Variants in NR2F1 observed in about 807,000 individuals in gnomAD.
NR2F1 encodes the protein nuclear receptor subfamily 2 group F member 1, also known as COUP transcription factor 1.
In NR2F1, 1 loss-of-function variant was observed where a neutral mutation model predicts 37.7. The observed-to-expected ratio is 0.03, with a 90% CI of 0.01 to 0.13. The LOEUF is 0.13. Ranked by LOEUF, NR2F1 falls within the 10% of genes least tolerant of loss-of-function variation. The pLI is 1.00. For synonymous variants in NR2F1, 275 were observed against 259.6 expected (o/e 1.06, Z -0.57); for missense variants, 268 against 578.4 (o/e 0.46, Z 5.50).
chr5:93,593,993 C>A lies in NR2F1; in HGVS notation c.*151C>A. On this transcript the variant is annotated 3_prime_UTR_variant, in exon 3 of 3. Transcript: ENST00000327111. The surrounding 1 kb of genome is among the most constrained non-coding windows in gnomAD (Gnocchi z 5.6). ...AGGGCCGAGACAGGAGCAGCCCACC[C>A]AGCAGAAATACAATCCGAGCTACAA... The A allele has an allele frequency of 1.6e-6, 1 of 643,708 alleles. No individual in the cohort carries two copies. The highest frequency in any genetic ancestry group is 2.7e-6 in the Non-Finnish European group (1 of 373,468). The allele number at this position is 643,708 out of a possible 1,614,324, so 39.9% of individuals were successfully genotyped here.
At position 93,588,082 on chromosome 5, in the gene NR2F1, C is replaced by G; in HGVS notation, c.629C>G (p.Pro210Arg). The G allele has an allele frequency of 6.2e-7, 1 of 1,614,160 alleles. No individual in the cohort carries two copies. Among genetic ancestry groups the G allele is most frequent in the Non-Finnish European group, 8.5e-7 (1 of 1,180,032 alleles). ...TSRYGSQCMQPNNIMGIENIC... is the reference protein window; with the variant it reads ...TSRYGSQCMQRNNIMGIENIC... ...CGCTACGGCAGCCAGTGCATGCAGCCCAACAACATTATGGGCATCGAGAAC... is the reference window on the plus strand; with the variant it reads ...CGCTACGGCAGCCAGTGCATGCAGCGCAACAACATTATGGGCATCGAGAAC... The change falls in exon 2 of 3, where the codon CCC becomes CGC. Residue 210 changes from proline to arginine, a missense_variant. Transcript: ENST00000327111.
Position 93,588,063 on chromosome 5 carries a change from G to C in NR2F1, c.610G>C (p.Gly204Arg), listed in dbSNP as rs967428663. The change falls in exon 2 of 3, where the codon GGC becomes CGC. Residue 204 changes from glycine (G) to arginine (R), a missense_variant. By Grantham distance (125) the Gly-to-Arg change is moderately radical. This residue lies in a region of NR2F1 where 42 missense variants were observed against 72.5 expected (regional missense o/e 0.58). Transcript: ENST00000327111. ...CGAGCCCTACCCCACGTCGCGCTAC[G>C]GCAGCCAGTGCATGCAGCCCAACAA... ...RAEPYPTSRY[G>R]SQCMQPNNIM... 2 of 1,613,948 alleles carry C rather than the reference G, an allele frequency of 1.2e-6. No homozygotes were observed.
At chr5:93,587,769 TG>T in intron 1 of NR2F1, 147 bp from the exon 2 acceptor site, 2 of 780,526 alleles carry the variant, frequency 2.6e-6, no homozygotes, top group Non-Finnish European at 4.0e-6. Flanking sequence ...CCTAGCGGTG[TG>T]GACTGTGAGA....
Position 93,584,593 on chromosome 5 carries a change from A to C in NR2F1, c.-431A>C, listed in dbSNP as rs984591169. ...TTTTGCAACTTGGGGAAGAAGAAAA[A>C]AGCGAGAGAAGGGAGCTTGCTCGCC... On this transcript the variant is annotated 5_prime_UTR_variant, in exon 1 of 3. Coordinates refer to ENST00000327111, the MANE Select transcript of NR2F1 (RefSeq NM_005654.6). 7.0e-6 allele frequency: 1 copy of C among 143,384 alleles called. No individual in the cohort carries two copies. Among genetic ancestry groups the C allele is most frequent in the Non-Finnish European group, 1.5e-5 (1 of 65,096 alleles). The allele number at this position is 143,384 out of a possible 1,614,324, so 8.9% of individuals were successfully genotyped here. A position where few individuals can be genotyped will look rare whatever the true frequency, so the allele number is the denominator to read the frequency against.
rs772523710 is a variant in NR2F1, at chr5:93,583,311, T to TCTCTCTCTCTCTC, written c.-1695_-1683dup. On this transcript the variant is annotated 5_prime_UTR_variant, in exon 1 of 3. Transcript: ENST00000327111. Reference sequence around the variant, plus strand: ...TCTCTCTCTCTTCTTCTCTTCTCTCTCTCTCTCTCTCTCCTCTCTCTCTCT... The same window carrying TCTCTCTCTCTCTC: ...TCTCTCTCTCTTCTTCTCTTCTCTCTCTCTCTCTCTCTCCTCTCTCTCTCTCCTCTCTCTCTCT... The TCTCTCTCTCTCTC allele has an allele frequency of 2.6e-5, 4 of 151,318 alleles. No homozygotes were observed. Among genetic ancestry groups the TCTCTCTCTCTCTC allele is most frequent in the African/African-American group, 4.9e-5 (2 of 41,162 alleles). 9.4% of individuals were successfully genotyped at this position (151,318 alleles called of 1,614,324 possible).
At chr5:93,589,953 C>T (rs1753303121) in intron 2 of NR2F1, among the ~76,000 whole-genome samples, 1 of 152,232 alleles carries the variant, frequency 6.6e-6, no homozygotes, top group African/African-American at 2.4e-5. Flanking sequence ...GGGAGTTATT[C>T]TTTCCAAGAG....
In NR2F1 at chr5:93,585,008, C is replaced by T; in HGVS notation, c.-16C>T. 2.0e-6 allele frequency: 2 copies of T among 1,000,222 alleles called. No individual in the cohort carries two copies. The highest frequency in any genetic ancestry group is 1.2e-6 in the Non-Finnish European group (1 of 839,866). 62.0% of individuals were successfully genotyped at this position (1,000,222 alleles called of 1,614,324 possible). On this transcript the variant is annotated 5_prime_UTR_variant, in exon 1 of 3. Transcript: ENST00000327111. ...GAGCAGCTCGGCTCCCCCCAGCGCT[C>T]CCCGGGCCCAAAGATATGGCAATGG...
Position 93,593,977 on chromosome 5 carries a change from A to T in NR2F1, c.*135A>T, listed in dbSNP as rs557427588. 1.6e-4 allele frequency: 122 copies of T among 744,298 alleles called. No homozygotes were observed. The African/African-American group carries it at 1.9e-3, about 11-fold the overall frequency. The allele number at this position is 744,298 out of a possible 1,614,324, so 46.1% of individuals were successfully genotyped here. A position where few individuals can be genotyped will look rare whatever the true frequency, so the allele number is the denominator to read the frequency against. ...CTGGGTGGGAGGGAGGAGGGCCGAG[A>T]CAGGAGCAGCCCACCCAGCAGAAAT... is the stretch of plus-strand genomic sequence containing the variant. On this transcript the variant is annotated 3_prime_UTR_variant, in exon 3 of 3. Transcript: ENST00000327111. The surrounding 1 kb of genome is among the most constrained non-coding windows in gnomAD (Gnocchi z 5.6).
In NR2F1 at chr5:93,593,267, CA is replaced by C. The variant is rs1468813591; in HGVS notation, c.992-292del. 6.6e-6 allele frequency among the ~76,000 whole-genome samples: 1 copy of C among 151,998 alleles called. No homozygotes were observed. Among genetic ancestry groups the C allele is most frequent in the Non-Finnish European group, 1.5e-5 (1 of 67,990 alleles). The stretch of plus-strand genomic sequence containing the variant: ...TAATCCAAAGGTGAAAGAGGAAAAA[CA>C]AAGGGACTAGAGAGGTTTCTGCCTC... On this transcript the variant is annotated intron_variant, in intron 2 of 2. Transcript: ENST00000327111. The surrounding 1 kb of genome is among the most constrained non-coding windows in gnomAD (Gnocchi z 5.6).
At chr5:93,586,552 T>G (rs554125682) in intron 1 of NR2F1, among the ~76,000 whole-genome samples, 62 of 152,366 alleles carry the variant, frequency 4.1e-4, no homozygotes, top group Non-Finnish European at 6.2e-4. Flanking sequence ...TGTCTTATAG[T>G]CAAATTAGCG....
chr5:93,589,169 C>G (rs1294912313), intron 2 of NR2F1, among the ~76,000 whole-genome samples: 1 of 152,004 alleles, frequency 6.6e-6, no homozygotes, highest in African/African-American at 2.4e-5. Flanking sequence ...GGATTCCCCG[C>G]CTGAAGATGA....
chr5:93,588,107 C>T lies in NR2F1; in HGVS notation c.654C>T (p.Asn218=), dbSNP rs1312546797. ...CCAACAACATTATGGGCATCGAGAA[C>T]ATCTGCGAGCTGGCCGCGCGCCTGC... is the stretch of plus-strand genomic sequence containing the variant. ...MQPNNIMGIE[N]ICELAARLLF... The change falls in exon 2 of 3, where the codon AAC becomes AAT. Residue 218 remains asparagine, a synonymous_variant. Coordinates refer to ENST00000327111, the MANE Select transcript of NR2F1 (RefSeq NM_005654.6). 1 of 1,614,098 alleles carries T rather than the reference C, an allele frequency of 6.2e-7. No individual in the cohort carries two copies. Among genetic ancestry groups the T allele is most frequent in the Non-Finnish European group, 8.5e-7 (1 of 1,180,048 alleles).
At chr5:93,588,714 G>C (rs1753277543) in intron 2 of NR2F1, among the ~76,000 whole-genome samples, 1 of 151,486 alleles carries the variant, frequency 6.6e-6, no homozygotes, top group African/African-American at 2.4e-5. Context: ...CCCCTACGTG[G>C]GGCCGCGGCT....
In NR2F1 at chr5:93,586,329, G is replaced by A. The variant is rs529252434; in HGVS notation, c.463+843G>A. Among the ~76,000 whole-genome samples the A allele has an allele frequency of 2.0e-5, 3 of 152,160 alleles. No individual in the cohort carries two copies. In the South Asian group the frequency reaches 6.2e-4, roughly 32 times the overall value. On this transcript the variant is annotated intron_variant, in intron 1 of 2. Coordinates refer to ENST00000327111, the MANE Select transcript of NR2F1 (RefSeq NM_005654.6). ...TACAACGGCATTTACCGATCCTTCT[G>A]ATTTGGCCGTAATGCATAGACTGCA...
rs1273448386 is a variant in NR2F1 at position 93,584,635 on chromosome 5, G to C, written c.-389G>C. ...TTGCTCGCCGGGGGGTGGGGAGGGGGGAAGGAGAGCGCGGCCCCCCCAGGA... is the reference window on the plus strand; with the variant it reads ...TTGCTCGCCGGGGGGTGGGGAGGGGCGAAGGAGAGCGCGGCCCCCCCAGGA... On this transcript the variant is annotated 5_prime_UTR_variant, in exon 1 of 3. Transcript: ENST00000327111. 2 of 148,524 alleles carry C rather than the reference G, an allele frequency of 1.3e-5. No individual in the cohort carries two copies. Among genetic ancestry groups the C allele is most frequent in the Non-Finnish European group, 3.0e-5 (2 of 66,712 alleles). 9.2% of individuals were successfully genotyped at this position (148,524 alleles called of 1,614,324 possible).
chr5:93,588,727 C>G (rs1233866606), intron 2 of NR2F1, among the ~76,000 whole-genome samples: 1 of 151,178 alleles, frequency 6.6e-6, no homozygotes, highest in Non-Finnish European at 1.5e-5. Context: ...CCGCGGCTGC[C>G]GAGGGTGTGT....
chr5:93,588,439 C>T lies in NR2F1; in HGVS notation c.986C>T (p.Thr329Met). Reference protein sequence around the residue: ...YSCLKAIVLFTSDACGLSDAA... With the variant: ...YSCLKAIVLFMSDACGLSDAA... The stretch of plus-strand genomic sequence containing the variant: ...TGCCTCAAAGCCATCGTGCTGTTCA[C>T]GTCAGGTGAGGCTGCGGTCGCGGGG... Residue 329 changes from threonine to methionine, a missense_variant, in exon 2 of 3, where the codon ACG becomes ATG. Thr to Met is a moderately conservative substitution (Grantham distance 81, BLOSUM62 -1). Transcript: ENST00000327111. The T allele has an allele frequency of 1.3e-6, 2 of 1,588,404 alleles. No individual in the cohort carries two copies. Among genetic ancestry groups the T allele is most frequent in the Non-Finnish European group, 1.7e-6 (2 of 1,162,510 alleles).
chr5:93,587,615 T>G, intron 1 of NR2F1: 3 of 353,272 alleles, frequency 8.5e-6, no homozygotes, highest in Non-Finnish European at 1.0e-5. Context: ...CGTGGTGGCT[T>G]AGGGGTTGGA....
rs1753200161 is a variant in NR2F1, at chr5:93,584,912, GCCCCCT to G, written c.-100_-95del. 1.7e-4 allele frequency: 4 copies of G among 23,704 alleles called. No individual in the cohort carries two copies. Among genetic ancestry groups the G allele is most frequent in the Admixed American group, 2.9e-4 (1 of 3,450 alleles). 1.5% of individuals were successfully genotyped at this position (23,704 alleles called of 1,614,324 possible). On this transcript the variant is annotated 5_prime_UTR_variant, in exon 1 of 3. Transcript: ENST00000327111. Reference sequence around the variant, plus strand: ...CCCCGGGGCGCCCGGCGGGCCCCCCGCCCCCTCCCCCTCCCCCCTTCCCCTTCCCCT... The same window carrying G: ...CCCCGGGGCGCCCGGCGGGCCCCCCGCCCCCTCCCCCCTTCCCCTTCCCCT...
Sources: allele counts gnomAD v4.1 joint callset (sites outside exome capture counted in the v4.1 genomes callset), GRCh38; gene constraint gnomAD v4.1.1; regional missense constraint gnomAD v4.1.1; non-coding constraint Gnocchi (gnomAD v3.1); transcripts MANE v1.5; gene names NCBI Gene and HGNC (gene_info 2026-07-23, HGNC 2026-07-21).